TSGA10: variants seen among roughly 807,000 people sequenced by gnomAD.
The protein encoded by TSGA10 is testis specific 10.
TSGA10 carries 43 observed loss-of-function variants against 96.6 expected under a neutral mutation model. The ratio of observed to expected loss-of-function variants is 0.44; its 90% CI spans 0.35 to 0.57. The LOEUF is 0.57. TSGA10 is among the 20% of genes least tolerant of loss of function. TSGA10 has a pLI of 0.01. For missense variants in TSGA10, 703 were observed against 834.4 expected, an observed-to-expected ratio of 0.84 and a Z score of 1.94; for synonymous variants, 229 against 269.9, an observed-to-expected ratio of 0.85 and a Z score of 1.48.
chr2:99,035,405 A>G lies in TSGA10; in HGVS notation c.1439T>C (p.Ile480Thr). 1 of 1,612,388 alleles carries G rather than the reference A, an allele frequency of 6.2e-7. No homozygotes were observed. Among genetic ancestry groups the G allele is most frequent in the Non-Finnish European group, 8.5e-7 (1 of 1,179,026 alleles). The change falls in exon 17 of 21, where the codon ATT becomes ACT. Residue 480 changes from isoleucine to threonine, a missense_variant. This residue lies in a region of TSGA10 where 585 missense variants were observed against 656.8 expected (regional missense o/e 0.89). Coordinates refer to ENST00000393483, the MANE Select transcript of TSGA10 (RefSeq NM_025244.4). ...LNAERSYKSQ[I>T]STLHKSVVKM... ...TACAACAGATTTATGTAAGGTAGAA[A>G]TCTGGGACTTGTAAGACCTTTCTGC...
At position 98,997,362 on chromosome 2, in the gene TSGA10, C is replaced by T. The variant is rs2077558617; in HGVS notation, c.*835G>A. ...TCAGGCTCTAATATGAACATTACAT[C>T]AAAGCCTATGGATAGATAAGGTAAG... On this transcript the variant is annotated 3_prime_UTR_variant, in exon 21 of 21. Transcript: ENST00000393483. 6.6e-6 allele frequency: 1 copy of T among 151,902 alleles called. No individual in the cohort carries two copies. The highest frequency in any genetic ancestry group is 6.6e-5 in the Admixed American group (1 of 15,254). The allele number at this position is 151,902 out of a possible 1,614,324, so 9.4% of individuals were successfully genotyped here.
At chr2:99,045,283 C>T (rs2082643926) in intron 16 of TSGA10, among the ~76,000 whole-genome samples, 1 of 152,010 alleles carries the variant, frequency 6.6e-6, no homozygotes, top group South Asian at 2.1e-4. Flanking sequence ...ACATAATTGT[C>T]AGATTCACCA....
At chr2:99,091,488 G>C (rs1016804373) in intron 10 of TSGA10, among the ~76,000 whole-genome samples, 1 of 152,098 alleles carries the variant, frequency 6.6e-6, no homozygotes, top group African/African-American at 2.4e-5. Context: ...TGGCCTAAAT[G>C]CTCCACTTAA....
chr2:99,088,386 A>C (rs2088840311), intron 10 of TSGA10, among the ~76,000 whole-genome samples: 1 of 152,232 alleles, frequency 6.6e-6, no homozygotes, highest in Non-Finnish European at 1.5e-5. Context: ...TATCATAGGT[A>C]TGTATATTTA....
intron 17 of TSGA10, among the ~76,000 whole-genome samples, chr2:99,030,483 AC>A (rs1486499503): frequency 6.6e-6 from 1 of 152,174 alleles, no homozygotes. Flanking sequence ...CCCCATCTCT[AC>A]AAAAATCAAA....
At chr2:98,998,273 CAT>C (rs1198913718) in intron 20 of TSGA10, 52 bp from the exon 21 acceptor site, 1 of 1,468,044 alleles carries the variant, frequency 6.8e-7, no homozygotes, top group Admixed American at 2.0e-5. Flanking sequence ...ACTTTTTCAA[CAT>C]GTGTAACAAA....
intron 17 of TSGA10, among the ~76,000 whole-genome samples, chr2:99,021,591 T>C (rs1164857366): frequency 6.6e-6 from 1 of 152,212 alleles, no homozygotes; most frequent in Non-Finnish European, 1.5e-5. Context: ...TCAACATTAC[T>C]GATGTTTTGG....
chr2:99,043,176 A>AAT (rs2082376655), intron 16 of TSGA10, among the ~76,000 whole-genome samples: 1 of 151,772 alleles, frequency 6.6e-6, no homozygotes, highest in African/African-American at 2.4e-5. Flanking sequence ...ATTATAAAAA[A>AAT]ATATATAAAT....
chr2:99,022,480 T>C (rs565977686), intron 17 of TSGA10, among the ~76,000 whole-genome samples: 191 of 152,308 alleles, frequency 1.3e-3, no homozygotes, highest in Non-Finnish European at 1.9e-3. Context: ...ACTGGCTTCC[T>C]TTATTAGCAC....
At chr2:99,091,524 A>T (rs2089333827) in intron 10 of TSGA10, among the ~76,000 whole-genome samples, 1 of 152,166 alleles carries the variant, frequency 6.6e-6, no homozygotes, top group African/African-American at 2.4e-5. Context: ...AGAATTGATA[A>T]TTCACTGAAC....
At position 99,071,867 on chromosome 2, in the gene TSGA10, T is replaced by C; in HGVS notation, c.946A>G (p.Thr316Ala). Residue 316 changes from threonine (T) to alanine (A), a missense_variant, in exon 14 of 21, where the codon ACT becomes GCT. Coordinates refer to ENST00000393483, the MANE Select transcript of TSGA10 (RefSeq NM_025244.4). The stretch of plus-strand genomic sequence containing the variant: ...TGTTCACACACAATTAGGGCCTCAG[T>C]ACACTGTCTATTCCACAAATCAAAG... ...AEMEQASRQC[T>A]EALIVCEQDV... 6.2e-7 allele frequency: 1 copy of C among 1,612,488 alleles called. No individual in the cohort carries two copies. The highest frequency in any genetic ancestry group is 8.5e-7 in the Non-Finnish European group (1 of 1,179,394).
At chr2:99,134,616 C>A (rs1476927280) in intron 1 of TSGA10, among the ~76,000 whole-genome samples, 1 of 152,102 alleles carries the variant, frequency 6.6e-6, no homozygotes, top group Admixed American at 6.5e-5. Context: ...CAGTTTTGCT[C>A]CTTTGCTGGC....
At chr2:99,087,778 C>T (rs2088734510) in intron 10 of TSGA10, among the ~76,000 whole-genome samples, 1 of 152,088 alleles carries the variant, frequency 6.6e-6, no homozygotes, top group African/African-American at 2.4e-5. Context: ...AAAAATCATA[C>T]ATTTCAGATA....
chr2:99,048,451 G>A (rs1350140775), intron 16 of TSGA10, among the ~76,000 whole-genome samples: 1 of 152,052 alleles, frequency 6.6e-6, no homozygotes, highest in Non-Finnish European at 1.5e-5. Flanking sequence ...TCTGCTCTTT[G>A]ACAAACCTGA....
chr2:99,055,609 T>C (rs1320838978), intron 16 of TSGA10, among the ~76,000 whole-genome samples: 2 of 151,946 alleles, frequency 1.3e-5, no homozygotes, highest in East Asian at 1.9e-4. Context: ...ATTTGGTAGA[T>C]TATACCTTAA....
At chr2:99,077,441 AATG>A (rs1156889370) in intron 12 of TSGA10, among the ~76,000 whole-genome samples, 1 of 152,228 alleles carries the variant, frequency 6.6e-6, no homozygotes, top group Non-Finnish European at 1.5e-5. Flanking sequence ...CCCTTATTCC[AATG>A]ATGCTGCTTT....
At position 99,108,938 on chromosome 2, in the gene TSGA10, T is replaced by C; in HGVS notation, c.105A>G (p.Glu35=). 1 of 1,606,998 alleles carries C rather than the reference T, an allele frequency of 6.2e-7. No homozygotes were observed. The change falls in exon 7 of 21, where the codon GAA becomes GAG. Residue 35 remains glutamate, a synonymous_variant. Coordinates refer to ENST00000393483, the MANE Select transcript of TSGA10 (RefSeq NM_025244.4). The part of the protein sequence containing the change: ...LLKTTTRDRE[E]LKCMLEKYER... Reference sequence around the variant, plus strand: ...CATATTTTTCCAGCATGCATTTAAGTTCTTCACGATCTCTTGTTGTTGTCT... The same window carrying C: ...CATATTTTTCCAGCATGCATTTAAGCTCTTCACGATCTCTTGTTGTTGTCT...
chr2:99,077,503 G>GT lies in TSGA10; in HGVS notation c.882+1155dup, dbSNP rs563905911. Among the ~76,000 whole-genome samples, 27 of 152,230 alleles carry GT rather than the reference G, an allele frequency of 1.8e-4. 1 individual carries two copies. The South Asian group carries it at 4.8e-3, about 27-fold the overall frequency. On this transcript the variant is annotated intron_variant, in intron 12 of 20. Transcript: ENST00000393483. The stretch of plus-strand genomic sequence containing the variant: ...GCTTAGGAACTGCTTTCAGAAATCA[G>GT]TTTATAAGCTAGAAAATAATATCAG...
chr2:99,137,172 T>G lies in TSGA10; in HGVS notation c.-620-9996A>C, dbSNP rs148820796. ...GCCACCATGCCCAGCTAACTTTGTA[T>G]TTTTAGTAGAGATGGGGTTTCACCA... On this transcript the variant is annotated intron_variant, in intron 1 of 20. Coordinates refer to ENST00000393483, the MANE Select transcript of TSGA10 (RefSeq NM_025244.4). Among the ~76,000 whole-genome samples the G allele has an allele frequency of 2.2e-3, 342 of 152,108 alleles. 10 individuals carry two copies. The East Asian group carries it at 0.055, about 25-fold the overall frequency.
Sources: allele counts gnomAD v4.1 joint callset (sites outside exome capture counted in the v4.1 genomes callset), GRCh38; gene constraint gnomAD v4.1.1; regional missense constraint gnomAD v4.1.1; transcripts MANE v1.5; gene names NCBI Gene and HGNC (gene_info 2026-07-23, HGNC 2026-07-21).